The following CPNE4 variants were observed in gnomAD, a reference collection of about 807,000 sequenced individuals.
CPNE4 encodes copine 4.
Under a neutral mutation model 67.9 loss-of-function variants are expected in CPNE4, and 25 were observed. That is an observed-to-expected ratio of 0.37 (90% CI 0.27 to 0.51). The LOEUF (loss-of-function observed/expected upper bound fraction) is 0.51. Among genes scored for constraint, CPNE4 ranks in the 20% least tolerant of loss-of-function variants. The pLI is 0.93. For synonymous variants in CPNE4, 242 were observed against 244.9 expected, an observed-to-expected ratio of 0.99 and a Z score of 0.11; for missense variants, 464 against 690.8, an observed-to-expected ratio of 0.67 and a Z score of 3.68.
chr3:131,756,465 C>A (rs1181436146), intron 2 of CPNE4, among the ~76,000 whole-genome samples: 2 of 152,172 alleles, frequency 1.3e-5, no homozygotes, highest in African/African-American at 4.8e-5. Flanking sequence ...TTTGAAACCA[C>A]CCCAGTCATT....
chr3:131,898,871 T>A (rs577348439), intron 2 of CPNE4, among the ~76,000 whole-genome samples: 1 of 152,236 alleles, frequency 6.6e-6, no homozygotes, highest in Non-Finnish European at 1.5e-5. Context: ...TTATTAAGGA[T>A]GTGTTAAGGG....
chr3:131,714,847 G>C (rs2081645155), intron 3 of CPNE4, among the ~76,000 whole-genome samples: 1 of 151,996 alleles, frequency 6.6e-6, no homozygotes, highest in Non-Finnish European at 1.5e-5. Context: ...CATGAATAAG[G>C]GTCAGAGGAC....
intron 10 of CPNE4, among the ~76,000 whole-genome samples, chr3:131,570,311 ATTTAT>A (rs1212367613): frequency 6.2e-5 from 9 of 144,772 alleles, no homozygotes; most frequent in Middle Eastern, 3.5e-3. Context: ...TTCTCTTTTT[ATTTAT>A]TTATTTATTT....
intron 2 of CPNE4, among the ~76,000 whole-genome samples, chr3:131,757,750 A>G (rs960405850): frequency 5.9e-5 from 9 of 152,184 alleles, no homozygotes; most frequent in African/African-American, 2.2e-4. Flanking sequence ...CCCAGGAGGA[A>G]AAAGTGGTTT....
At chr3:131,744,533 C>T (rs2082438992) in intron 2 of CPNE4, among the ~76,000 whole-genome samples, 2 of 152,170 alleles carry the variant, frequency 1.3e-5, no homozygotes, top group Admixed American at 1.3e-4. Context: ...AGAATATTTC[C>T]ATCCCCACAA....
At chr3:131,717,235 A>C (rs1214151324) in intron 3 of CPNE4, among the ~76,000 whole-genome samples, 1 of 146,354 alleles carries the variant, frequency 6.8e-6, no homozygotes, top group East Asian at 1.9e-4. Context: ...AACACTCAAC[A>C]AAGGTTTTTT....
At chr3:131,692,578 T>C (rs9825476) in intron 5 of CPNE4, among the ~76,000 whole-genome samples, 106,498 of 152,076 alleles carry the variant, frequency 0.7, 37,624 homozygotes, top group African/African-American at 0.79. Flanking sequence ...CACTGCCACA[T>C]TCATTCATTT....
At chr3:131,869,876 A>G (rs940090916) in intron 2 of CPNE4, among the ~76,000 whole-genome samples, 1 of 152,216 alleles carries the variant, frequency 6.6e-6, no homozygotes, top group Admixed American at 6.5e-5. Context: ...AAAGCATAAT[A>G]CAATAGGCCT....
chr3:131,616,113 A>G (rs1380266123), intron 7 of CPNE4, among the ~76,000 whole-genome samples: 2 of 152,174 alleles, frequency 1.3e-5, no homozygotes, highest in African/African-American at 4.8e-5. Flanking sequence ...CATTGACCAG[A>G]GCCTATGAGG....
At chr3:131,665,155 G>T (rs2080226286) in intron 7 of CPNE4, among the ~76,000 whole-genome samples, 1 of 152,072 alleles carries the variant, frequency 6.6e-6, no homozygotes, top group African/African-American at 2.4e-5. Context: ...GAGCCCAGGA[G>T]TTCGAGACCA....
intron 1 of CPNE4, among the ~76,000 whole-genome samples, chr3:131,919,130 CAGGTATATCA>C (rs367883059): frequency 5.1e-4 from 78 of 152,248 alleles, no homozygotes; most frequent in African/African-American, 1.8e-3. Flanking sequence ...CAACTTAAGT[CAGGTATATCA>C]AGGTGACCTT....
At chr3:132,014,560 T>C (rs2073849544) in intron 1 of CPNE4, among the ~76,000 whole-genome samples, 1 of 152,238 alleles carries the variant, frequency 6.6e-6, no homozygotes, top group South Asian at 2.1e-4. Flanking sequence ...TACTTTTTCT[T>C]TCTTTTTCCG....
chr3:131,957,740 T>G (rs1919987), intron 1 of CPNE4, among the ~76,000 whole-genome samples: 66,560 of 152,090 alleles, frequency 0.44, 15,154 homozygotes, highest in East Asian at 0.53. Flanking sequence ...GCACACAGCC[T>G]CTGTATTCAA....
At chr3:131,763,795 T>C (rs1206203796) in intron 2 of CPNE4, among the ~76,000 whole-genome samples, 1 of 152,124 alleles carries the variant, frequency 6.6e-6, no homozygotes, top group Non-Finnish European at 1.5e-5. Flanking sequence ...ATCAAGCAAC[T>C]TAATACTTAG....
At chr3:131,600,736 G>C (rs577141346) in intron 7 of CPNE4, among the ~76,000 whole-genome samples, 5 of 152,192 alleles carry the variant, frequency 3.3e-5, no homozygotes, top group Non-Finnish European at 7.4e-5. Flanking sequence ...CATGTGTCCA[G>C]ACTAATAAGG....
chr3:131,812,675 A>G (rs2084582688), intron 2 of CPNE4, among the ~76,000 whole-genome samples: 1 of 152,220 alleles, frequency 6.6e-6, no homozygotes. Context: ...CTGTGTTCCA[A>G]GCACTGTTAG....
At chr3:131,839,083 C>A (rs1222042522) in intron 2 of CPNE4, among the ~76,000 whole-genome samples, 4 of 151,606 alleles carry the variant, frequency 2.6e-5, no homozygotes, top group Non-Finnish European at 5.9e-5. Context: ...TATCAAAAGC[C>A]TTAAATAGTT....
chr3:131,844,114 C>T lies in CPNE4; in HGVS notation c.180+61150G>A, dbSNP rs574165024. Among the ~76,000 whole-genome samples, 4 of 152,248 alleles carry T rather than the reference C, an allele frequency of 2.6e-5. No homozygotes were observed. The South Asian group carries it at 6.2e-4, about 24-fold the overall frequency. ...TACTACTCTGCACACACCTCATCCTCGTCCCCTCTTTAGCCCCAGTCTGTG... is the reference window on the plus strand; with the variant it reads ...TACTACTCTGCACACACCTCATCCTTGTCCCCTCTTTAGCCCCAGTCTGTG... On this transcript the variant is annotated intron_variant, in intron 2 of 15. Coordinates refer to ENST00000429747, the MANE Select transcript of CPNE4 (RefSeq NM_130808.3).
At chr3:131,536,326 C>T (rs926587825) in intron 15 of CPNE4, among the ~76,000 whole-genome samples, 2 of 152,184 alleles carry the variant, frequency 1.3e-5, no homozygotes, top group African/African-American at 4.8e-5. Context: ...CATACATGGA[C>T]TCTGGAGTCA....
Sources: gnomAD v4.1 joint callset for allele counts (sites outside exome capture counted in the v4.1 genomes callset) on GRCh38, gnomAD v4.1.1 for gene constraint, MANE v1.5 for transcripts, NCBI Gene and HGNC (gene_info 2026-07-23, HGNC 2026-07-21) for gene names.